EPHA3: variants seen among roughly 807,000 people sequenced by gnomAD.
EPHA3 encodes EPH receptor A3.
In EPHA3, 42 loss-of-function variants were observed where a neutral mutation model predicts 107.1. The observed-to-expected ratio is 0.39, with a 90% confidence interval of 0.31 to 0.51. EPHA3 has a LOEUF of 0.51. EPHA3 is among the 20% of genes least tolerant of loss of function. The pLI is 0.78. For missense variants in EPHA3, 1,183 were observed against 1,211.2 expected (o/e 0.98, Z 0.35); for synonymous variants, 461 against 424.8 (o/e 1.09, Z -1.05).
In EPHA3 at chr3:89,395,897, C is replaced by T; in HGVS notation, c.1367C>T (p.Ser456Phe). The T allele has an allele frequency of 2.5e-6, 4 of 1,614,004 alleles. No individual in the cohort carries two copies. Among genetic ancestry groups the T allele is most frequent in the Non-Finnish European group, 2.5e-6 (3 of 1,179,930 alleles). The change falls in exon 6 of 17, where the codon TCC (serine) becomes TTC (phenylalanine). Residue 456 changes from serine (S) to phenylalanine (F), a missense_variant. Physicochemically the swap from Ser to Phe is radical, Grantham distance 155. Transcript: ENST00000336596. ...DRTSRNSISL[S>F]WQEPEHPNGI... ...ACCTCCAGAAATAGCATCTCTTTGT[C>T]CTGGCAAGAACCTGAACATCCTAAT...
At chr3:89,271,432 C>G (rs1392391650) in intron 3 of EPHA3, among the ~76,000 whole-genome samples, 1 of 151,804 alleles carries the variant, frequency 6.6e-6, no homozygotes, top group African/African-American at 2.4e-5. Context: ...GGCTGAAATT[C>G]CTAAGGTTTG....
intron 3 of EPHA3, among the ~76,000 whole-genome samples, chr3:89,289,325 A>G (rs1706160394): frequency 6.6e-6 from 1 of 152,136 alleles, no homozygotes; most frequent in Non-Finnish European, 1.5e-5. Context: ...ATGCTCATTA[A>G]GTTGCCTTAT....
chr3:89,317,785 TAGAA>T (rs1438151920), intron 3 of EPHA3, among the ~76,000 whole-genome samples: 2 of 151,944 alleles, frequency 1.3e-5, no homozygotes, highest in East Asian at 1.9e-4. Flanking sequence ...ATAAAAAAGT[TAGAA>T]AGAGAACATT....
intron 15 of EPHA3, 93 bp from the exon 16 acceptor site, chr3:89,472,371 T>G: frequency 7.6e-7 from 1 of 1,319,952 alleles, no homozygotes; most frequent in Non-Finnish European, 1.1e-6. Flanking sequence ...ATATGAAGTC[T>G]GGAAGTTCCT....
intron 3 of EPHA3, among the ~76,000 whole-genome samples, chr3:89,229,627 G>A (rs1271649943): frequency 1.3e-5 from 2 of 151,330 alleles, no homozygotes; most frequent in East Asian, 3.9e-4. Context: ...CAGGCTTAAA[G>A]CATCAAAATT....
At chr3:89,233,165 A>G (rs1174827145) in intron 3 of EPHA3, among the ~76,000 whole-genome samples, 1 of 152,194 alleles carries the variant, frequency 6.6e-6, no homozygotes, top group South Asian at 2.1e-4. Flanking sequence ...TATTTGAAAT[A>G]TATATATATA....
intron 3 of EPHA3, among the ~76,000 whole-genome samples, chr3:89,339,247 T>A (rs1354786889): frequency 6.6e-6 from 1 of 151,854 alleles, no homozygotes; most frequent in African/African-American, 2.4e-5. Flanking sequence ...GGCGCACGCC[T>A]GTAATCCCAG....
chr3:89,427,786 A>T (rs1709489006), intron 11 of EPHA3, among the ~76,000 whole-genome samples: 1 of 151,954 alleles, frequency 6.6e-6, no homozygotes, highest in Non-Finnish European at 1.5e-5. Context: ...CTAAAGCATA[A>T]GTAAGCTGTG....
chr3:89,473,600 A>G (rs1221469580), intron 16 of EPHA3, among the ~76,000 whole-genome samples: 1 of 152,170 alleles, frequency 6.6e-6, no homozygotes, highest in Admixed American at 6.5e-5. Flanking sequence ...ATAGCTAAAA[A>G]CTGGCTTTCT....
intron 16 of EPHA3, among the ~76,000 whole-genome samples, chr3:89,473,732 A>G (rs1710452117): frequency 6.6e-6 from 1 of 152,164 alleles, no homozygotes. Context: ...GGCACCTCCA[A>G]AGTCATATGT....
intron 5 of EPHA3, among the ~76,000 whole-genome samples, chr3:89,387,812 T>C (rs1299136010): frequency 1.3e-5 from 2 of 152,192 alleles, no homozygotes; most frequent in Non-Finnish European, 2.9e-5. Context: ...TTGTCATTAC[T>C]TTTTTAAAAT....
intron 5 of EPHA3, among the ~76,000 whole-genome samples, chr3:89,356,880 A>G (rs112635574): frequency 0.017 from 2,548 of 150,520 alleles, 87 homozygotes; most frequent in African/African-American, 0.055. Flanking sequence ...CGAGGCGGGC[A>G]GATCAGGAAG....
intron 2 of EPHA3, among the ~76,000 whole-genome samples, chr3:89,149,439 C>T (rs1704641294): frequency 6.6e-6 from 1 of 151,836 alleles, no homozygotes; most frequent in South Asian, 2.1e-4. Context: ...CCTTCAAGTG[C>T]TTGGTGTATA....
At chr3:89,241,021 A>T (rs188749712) in intron 3 of EPHA3, among the ~76,000 whole-genome samples, 2,461 of 150,934 alleles carry the variant, frequency 0.016, 29 homozygotes, top group African/African-American at 0.03. Context: ...TTTTAAAAAA[A>T]TTTTTTTTTT....
At chr3:89,110,557 A>G (rs1432987641) in intron 1 of EPHA3, among the ~76,000 whole-genome samples, 2 of 151,984 alleles carry the variant, frequency 1.3e-5, no homozygotes, top group Non-Finnish European at 2.9e-5. Context: ...CATAATTCCA[A>G]TGATCACTTG....
intron 2 of EPHA3, among the ~76,000 whole-genome samples, chr3:89,143,460 TA>T (rs1261432978): frequency 6.6e-6 from 1 of 151,512 alleles, no homozygotes; most frequent in African/African-American, 2.4e-5. Flanking sequence ...AAGGACCAAG[TA>T]TACTAGTGTG....
At chr3:89,449,155 C>A in intron 13 of EPHA3, 70 bp from the exon 14 acceptor site, 1 of 1,339,084 alleles carries the variant, frequency 7.5e-7, no homozygotes, top group Non-Finnish European at 9.8e-7. Context: ...TGTCCGGTTT[C>A]AGATTATGTT....
chr3:89,445,505 A>G (rs1709861738), intron 13 of EPHA3, among the ~76,000 whole-genome samples: 2 of 152,206 alleles, frequency 1.3e-5, no homozygotes, highest in South Asian at 4.1e-4. Context: ...CCAAAAGTTG[A>G]TCAATAGTAG....
At chr3:89,331,622 T>G (rs1465548856) in intron 3 of EPHA3, among the ~76,000 whole-genome samples, 7 of 152,154 alleles carry the variant, frequency 4.6e-5, no homozygotes, top group African/African-American at 1.2e-4. Context: ...CTTTAGAAAT[T>G]ACAGCATCTA....
Sources: allele counts gnomAD v4.1 joint callset (sites outside exome capture counted in the v4.1 genomes callset), GRCh38; gene constraint gnomAD v4.1.1; transcripts MANE v1.5; gene names NCBI Gene and HGNC (gene_info 2026-07-23, HGNC 2026-07-21).